Variants in CLOCK observed in about 807,000 individuals in gnomAD.
The protein encoded by CLOCK is circadian locomoter output cycles protein kaput.
CLOCK carries 43 observed loss-of-function variants against 118.4 expected under a neutral mutation model. The ratio of observed to expected loss-of-function variants is 0.36; its 90% CI spans 0.28 to 0.47. CLOCK has a LOEUF of 0.47. Among genes scored for constraint, CLOCK ranks in the 20% least tolerant of loss-of-function variants. The pLI, the probability that CLOCK is intolerant of heterozygous loss-of-function variation, is 1.00. For synonymous variants in CLOCK, 326 were observed against 339.2 expected, an observed-to-expected ratio of 0.96 and a Z score of 0.43; for missense variants, 846 against 999.9, an observed-to-expected ratio of 0.85 and a Z score of 2.08.
chr4:55,440,162 A>G (rs1723242438), intron 21 of CLOCK, among the ~76,000 whole-genome samples: 1 of 152,178 alleles, frequency 6.6e-6, no homozygotes, highest in Admixed American at 6.5e-5. Flanking sequence ...TGTATTTTTT[A>G]AACTCTAGGT....
At chr4:55,536,983 A>C (rs1276782050) in intron 1 of CLOCK, among the ~76,000 whole-genome samples, 1 of 152,228 alleles carries the variant, frequency 6.6e-6, no homozygotes, top group African/African-American at 2.4e-5. Context: ...CAATGATAGA[A>C]TATATTCTAG....
At position 55,459,194 on chromosome 4, in the gene CLOCK, G is replaced by GCTA. The variant is rs1725134766; in HGVS notation, c.626_627insTAG (p.Thr209_Tyr210insSer). 1.9e-6 allele frequency: 3 copies of GCTA among 1,611,052 alleles called. No homozygotes were observed. The South Asian group carries it at 3.3e-5, about 18-fold the overall frequency. ...TTCCTATAAATTTTACATATTCATA[G>GCTA]GTAGATGGCTCCTTTGGGTCTATTG... On this transcript the variant is annotated inframe_insertion, in exon 10 of 23. Transcript: ENST00000513440.
At chr4:55,450,302 T>C (rs1724313309) in intron 15 of CLOCK, 70 bp from the exon 16 acceptor site, 2 of 1,581,214 alleles carry the variant, frequency 1.3e-6, no homozygotes, top group South Asian at 2.2e-5. Flanking sequence ...ACAATACTGT[T>C]AACAACAACA....
rs1722563501 is a variant in CLOCK, at chr4:55,432,277, A to C, written c.*3138T>G. The C allele has an allele frequency of 6.6e-6, 1 of 152,088 alleles. No homozygotes were observed. Among genetic ancestry groups the C allele is most frequent in the Non-Finnish European group, 1.5e-5 (1 of 68,020 alleles). 9.4% of individuals were successfully genotyped at this position (152,088 alleles called of 1,614,324 possible). ...CTGGTTTGACACCACTCTAAGGAGC[A>C]ACTTTATTAACCCTTCTAGTTCTCA... On this transcript the variant is annotated 3_prime_UTR_variant, in exon 23 of 23. Coordinates refer to ENST00000513440, the MANE Select transcript of CLOCK (RefSeq NM_004898.4).
chr4:55,452,699 T>A (rs1268036462), intron 15 of CLOCK: 1 of 191,788 alleles, frequency 5.2e-6, no homozygotes, highest in Non-Finnish European at 1.1e-5. Flanking sequence ...TTTTTTCCCC[T>A]CTTGAAACCC....
At chr4:55,444,011 T>C in intron 19 of CLOCK, 115 bp from the exon 20 acceptor site, 1 of 821,426 alleles carries the variant, frequency 1.2e-6, no homozygotes, top group Non-Finnish European at 1.9e-6. Context: ...GTAACAAGGC[T>C]AAGTCACTTT....
rs1273464180 is a variant in CLOCK at position 55,434,258 on chromosome 4, A to G, written c.*1157T>C. On this transcript the variant is annotated 3_prime_UTR_variant, in exon 23 of 23. Transcript: ENST00000513440. ...TAACCCTGAATCATTTCTGACTAAA[A>G]GAAGCATTGAAATTGTGAAGGATAA... The G allele has an allele frequency of 6.6e-6, 1 of 152,658 alleles. No homozygotes were observed. The highest frequency in any genetic ancestry group is 2.4e-5 in the African/African-American group (1 of 41,458). 9.5% of individuals were successfully genotyped at this position (152,658 alleles called of 1,614,324 possible).
In CLOCK at chr4:55,534,693, A is replaced by G. The variant is rs2110097752; in HGVS notation, c.-290+12089T>C. ...CAGCAGACAGAATAGTAGCTGGCAC[A>G]GAACAGAATGCTCAATAAATACTTG... On this transcript the variant is annotated intron_variant, in intron 1 of 22. Coordinates refer to ENST00000513440, the MANE Select transcript of CLOCK (RefSeq NM_004898.4). Among the ~76,000 whole-genome samples the G allele has an allele frequency of 1.3e-5, 2 of 152,314 alleles. 1 individual carries two copies. The highest frequency in any genetic ancestry group is 4.1e-4 in the South Asian group (2 of 4,824).
At chr4:55,499,878 T>C (rs551434387) in intron 2 of CLOCK, among the ~76,000 whole-genome samples, 16 of 152,300 alleles carry the variant, frequency 1.1e-4, no homozygotes, top group African/African-American at 3.4e-4. Flanking sequence ...AATTAGGGAA[T>C]CTCCCCCCAA....
At chr4:55,536,810 G>A (rs1190081582) in intron 1 of CLOCK, among the ~76,000 whole-genome samples, 1 of 151,944 alleles carries the variant, frequency 6.6e-6, no homozygotes, top group Non-Finnish European at 1.5e-5. Flanking sequence ...CCATTACCTG[G>A]TAATGCTTAC....
chr4:55,491,234 TAA>T lies in CLOCK; in HGVS notation c.-135-1771_-135-1770del, dbSNP rs34441416. Among the ~76,000 whole-genome samples, 189 of 44,344 alleles carry T rather than the reference TAA, an allele frequency of 4.3e-3. 1 individual carries two copies. Among genetic ancestry groups the T allele is most frequent in the Middle Eastern group, 0.028 (1 of 36 alleles). 29.1% of individuals were successfully genotyped at this position (44,344 alleles called of 152,430 possible). On this transcript the variant is annotated intron_variant, in intron 2 of 22. Transcript: ENST00000513440. ...TGAAGAAAGATTCCTGCAGGTGTGC[TAA>T]AAAAAAAAAAAAAAAAAAAAAAGGA... is the stretch of plus-strand genomic sequence containing the variant.
rs1392759691 is a variant in CLOCK, at chr4:55,444,752, G to A, written c.1573C>T (p.His525Tyr). The A allele has an allele frequency of 6.2e-7, 1 of 1,614,028 alleles. No individual in the cohort carries two copies. The highest frequency in any genetic ancestry group is 1.7e-5 in the Admixed American group (1 of 60,026). The change falls in exon 19 of 23, where the codon CAT becomes TAT. Residue 525 changes from histidine to tyrosine, a missense_variant. Physicochemically the swap from His to Tyr is moderately conservative, Grantham distance 83 (BLOSUM62 2). Coordinates refer to ENST00000513440, the MANE Select transcript of CLOCK (RefSeq NM_004898.4). The stretch of plus-strand genomic sequence containing the variant: ...CGTTGTTCCAATTGGTCTTTCAGAT[G>A]TTGCATGGCTCCTAATTGAGCTGAA... ...QFSAQLGAMQ[H>Y]LKDQLEQRTR...
chr4:55,528,095 C>T (rs951512809), intron 1 of CLOCK, among the ~76,000 whole-genome samples: 10 of 149,374 alleles, frequency 6.7e-5, no homozygotes, highest in African/African-American at 2.0e-4. Flanking sequence ...CAGTGGCTAA[C>T]GCCTGTAATC....
At chr4:55,495,757 C>T (rs946465673) in intron 2 of CLOCK, among the ~76,000 whole-genome samples, 1 of 152,114 alleles carries the variant, frequency 6.6e-6, no homozygotes, top group Non-Finnish European at 1.5e-5. Context: ...GCTAGTGTTA[C>T]CCCAGAATTC....
intron 1 of CLOCK, among the ~76,000 whole-genome samples, chr4:55,510,629 TA>T (rs3842583): frequency 0.038 from 3,950 of 104,206 alleles, 78 homozygotes; most frequent in Non-Finnish European, 0.057. Flanking sequence ...TCTGTCTTTT[TA>T]AAAAAAAAAA....
intron 1 of CLOCK, among the ~76,000 whole-genome samples, chr4:55,520,516 A>G (rs552735779): frequency 6.6e-6 from 1 of 152,330 alleles, no homozygotes; most frequent in South Asian, 2.1e-4. Context: ...CACCTGAGGC[A>G]AAACAGACTG....
At chr4:55,513,258 C>A (rs1000337981) in intron 1 of CLOCK, among the ~76,000 whole-genome samples, 2 of 152,092 alleles carry the variant, frequency 1.3e-5, no homozygotes, top group Admixed American at 6.6e-5. Context: ...TTAAAATTAC[C>A]TATAGTATTC....
chr4:55,480,138 T>C (rs1214501022), intron 4 of CLOCK, among the ~76,000 whole-genome samples: 7 of 152,252 alleles, frequency 4.6e-5, no homozygotes, highest in African/African-American at 1.2e-4. Context: ...CATTAACTTA[T>C]ATTAATACAT....
At position 55,429,034 on chromosome 4, in the gene CLOCK, ATTG is replaced by A. The variant is rs1577649944; in HGVS notation, c.*6378_*6380del. The A allele has an allele frequency of 1.4e-5, 2 of 138,222 alleles. No individual in the cohort carries two copies. Among genetic ancestry groups the A allele is most frequent in the East Asian group, 4.2e-4 (2 of 4,786 alleles). 8.6% of individuals were successfully genotyped at this position (138,222 alleles called of 1,614,324 possible). A position where few individuals can be genotyped will look rare whatever the true frequency, so the allele number is the denominator to read the frequency against. ...TGGCCAATTTTTTTGCTTGAAGATG[ATTG>A]TCTGGTTATACAAGACATCAATCTG... is the stretch of plus-strand genomic sequence containing the variant. On this transcript the variant is annotated 3_prime_UTR_variant, in exon 23 of 23. Transcript: ENST00000513440.
Sources: allele counts gnomAD v4.1 joint callset (sites outside exome capture counted in the v4.1 genomes callset), GRCh38; gene constraint gnomAD v4.1.1; transcripts MANE v1.5; gene names NCBI Gene and HGNC (gene_info 2026-07-23, HGNC 2026-07-21).